Variants in CIAO2A observed in about 807,000 individuals in gnomAD.
The protein encoded by CIAO2A is MIP18 family protein FAM96A.
A neutral mutation model predicts 22.4 loss-of-function variants in CIAO2A; 17 were observed. The ratio of observed to expected loss-of-function variants is 0.76; its 90% CI spans 0.52 to 1.14. CIAO2A has a LOEUF of 1.14. Among genes scored for constraint, CIAO2A ranks in the 50% most tolerant of loss-of-function variants. The pLI is 0.00. For synonymous variants in CIAO2A, 74 were observed against 72.3 expected, an observed-to-expected ratio of 1.02 and a Z score of -0.12; for missense variants, 192 against 191.4, an observed-to-expected ratio of 1.00 and a Z score of -0.02.
intron 3 of CIAO2A, 108 bp from the exon 4 acceptor site, chr15:64,075,645 T>G: frequency 1.8e-6 from 1 of 565,108 alleles, no homozygotes; most frequent in East Asian, 3.5e-5. Flanking sequence ...AGTGCCCAAA[T>G]CCTGTTTCTT....
At position 64,093,691 on chromosome 15, in the gene CIAO2A, A is replaced by C. The variant is rs780659236; in HGVS notation, c.78T>G (p.Ala26=). Residue 26 remains alanine (A), a synonymous_variant, in exon 1 of 5, where the codon GCT becomes GCG. Coordinates refer to ENST00000300030, the MANE Select transcript of CIAO2A (RefSeq NM_032231.7). Reference sequence around the variant, plus strand: ...CTTCCATGATCCGGGGCTGCCGGGCAGCTCCCGGCTCAGAGAGGCCGGAGA... The same window carrying C: ...CTTCCATGATCCGGGGCTGCCGGGCCGCTCCCGGCTCAGAGAGGCCGGAGA... The part of the protein sequence containing the change: ...LWLSGLSEPG[A]ARQPRIMEEK... 3.8e-5 allele frequency: 61 copies of C among 1,613,950 alleles called. No individual in the cohort carries two copies. Among genetic ancestry groups the C allele is most frequent in the Non-Finnish European group, 5.1e-5 (60 of 1,179,968 alleles).
intron 2 of CIAO2A, among the ~76,000 whole-genome samples, 157 bp downstream of exon 2, chr15:64,088,530 C>A (rs1342203620): frequency 6.6e-6 from 1 of 152,164 alleles, no homozygotes; most frequent in African/African-American, 2.4e-5. Context: ...GTGAGGACTA[C>A]AGAAGATGAA....
At chr15:64,090,044 T>C (rs2080827779) in intron 1 of CIAO2A, among the ~76,000 whole-genome samples, 1 of 152,066 alleles carries the variant, frequency 6.6e-6, no homozygotes, top group Non-Finnish European at 1.5e-5. Flanking sequence ...ACCAAGAATG[T>C]TTCAAAACAA....
intron 3 of CIAO2A, among the ~76,000 whole-genome samples, chr15:64,077,713 G>C (rs762556443): frequency 1.1e-4 from 16 of 152,152 alleles, no homozygotes; most frequent in Non-Finnish European, 1.6e-4. Context: ...TGAAATAAAG[G>C]CTAAGGAACT....
intron 2 of CIAO2A, among the ~76,000 whole-genome samples, chr15:64,081,782 G>T (rs564737783): frequency 3.3e-5 from 5 of 151,776 alleles, no homozygotes; most frequent in Admixed American, 6.6e-5. Context: ...CAAGTGATCC[G>T]CCTGCCTTAG....
chr15:64,093,727 T>C lies in CIAO2A; in HGVS notation c.42A>G (p.Arg14=), dbSNP rs1465389851. ...CAGAGAGGCCGGAGAGCCACAGGAC[T>C]CTGCTCAGCGTCCAGGAGAGCAGCC... ...VSGLLSWTLS[R]VLWLSGLSEP... The change falls in exon 1 of 5, where the codon AGA becomes AGG. Residue 14 remains arginine (R), a synonymous_variant. Transcript: ENST00000300030. 9 of 1,614,028 alleles carry C rather than the reference T, an allele frequency of 5.6e-6. No individual in the cohort carries two copies. Among genetic ancestry groups the C allele is most frequent in the Non-Finnish European group, 7.6e-6 (9 of 1,179,920 alleles).
At chr15:64,079,384 T>C (rs192392864) in intron 3 of CIAO2A, among the ~76,000 whole-genome samples, 63 of 152,030 alleles carry the variant, frequency 4.1e-4, no homozygotes, top group Non-Finnish European at 7.8e-4. Context: ...CTACCAAAAA[T>C]TAAGAAAAAA....
chr15:64,092,626 C>A (rs963012141), intron 1 of CIAO2A, among the ~76,000 whole-genome samples: 1 of 152,196 alleles, frequency 6.6e-6, no homozygotes, highest in African/African-American at 2.4e-5. Context: ...ATGTGGTCTG[C>A]TTTGTGGAGA....
intron 3 of CIAO2A, among the ~76,000 whole-genome samples, chr15:64,076,725 T>C (rs1360228574): frequency 4.7e-5 from 2 of 42,362 alleles, no homozygotes; most frequent in Admixed American, 7.4e-4. Flanking sequence ...AGTCCAATCT[T>C]TTTTTTTTTT....
At chr15:64,091,483 C>CAAA (rs35800673) in intron 1 of CIAO2A, among the ~76,000 whole-genome samples, 1 of 121,458 alleles carries the variant, frequency 8.2e-6, no homozygotes, top group Non-Finnish European at 1.8e-5. Flanking sequence ...GACTCTGTCT[C>CAAA]AAAAAAAAAA....
chr15:64,075,158 A>C (rs768020465), intron 4 of CIAO2A: 14 of 93,442 alleles, frequency 1.5e-4, no homozygotes, highest in Non-Finnish European at 1.9e-5. Flanking sequence ...TAGACCTTCA[A>C]TTTCAAGTAC....
At chr15:64,087,058 T>C (rs1278644656) in intron 2 of CIAO2A, among the ~76,000 whole-genome samples, 42 of 148,776 alleles carry the variant, frequency 2.8e-4, no homozygotes, top group African/African-American at 1.0e-3. Context: ...ATTACAGGTG[T>C]GTGCCACCAT....
rs146492307 is a variant in CIAO2A at position 64,076,766 on chromosome 15, C to T, written c.340-1229G>A. Among the ~76,000 whole-genome samples, 98 of 145,436 alleles carry T rather than the reference C, an allele frequency of 6.7e-4. 4 individuals carry two copies. Among genetic ancestry groups the T allele is most frequent in the African/African-American group, 2.4e-3 (96 of 40,112 alleles). ...TTTGAGACAGGTCTTACTCTGTCGC[C>T]TAGGCTGGAGTGCAGTGGCGCGATC... On this transcript the variant is annotated intron_variant, in intron 3 of 4. Coordinates refer to ENST00000300030, the MANE Select transcript of CIAO2A (RefSeq NM_032231.7).
At chr15:64,089,920 T>C (rs56273188) in intron 1 of CIAO2A, among the ~76,000 whole-genome samples, 6,896 of 152,302 alleles carry the variant, frequency 0.045, 195 homozygotes, top group South Asian at 0.085. Context: ...AATGGAGTTT[T>C]CTAGCAAGTG....
intron 2 of CIAO2A, among the ~76,000 whole-genome samples, chr15:64,084,099 GTTT>G (rs1449456491): frequency 6.6e-6 from 1 of 152,250 alleles, no homozygotes; most frequent in East Asian, 1.9e-4. Flanking sequence ...TTACAGAACA[GTTT>G]TTATTTCATG....
intron 2 of CIAO2A, among the ~76,000 whole-genome samples, chr15:64,086,654 C>T (rs2080797884): frequency 6.8e-6 from 1 of 147,386 alleles, no homozygotes; most frequent in African/African-American, 2.5e-5. Flanking sequence ...TACTCTGTTG[C>T]TTAGGCTGGA....
intron 2 of CIAO2A, among the ~76,000 whole-genome samples, chr15:64,083,150 C>T (rs2080769314): frequency 6.6e-6 from 1 of 150,384 alleles, no homozygotes; most frequent in Non-Finnish European, 1.5e-5. Flanking sequence ...AAAACAGTAC[C>T]TGACACATAA....
At chr15:64,081,224 G>A (rs2080757232) in intron 2 of CIAO2A, 73 bp from the exon 3 acceptor site, 1 of 1,398,760 alleles carries the variant, frequency 7.1e-7, no homozygotes. Flanking sequence ...GCATACAACT[G>A]CGTTTATGTG....
intron 3 of CIAO2A, 75 bp downstream of exon 3, chr15:64,081,027 T>C: frequency 7.2e-7 from 1 of 1,389,654 alleles, no homozygotes; most frequent in Non-Finnish European, 1.0e-6. Flanking sequence ...AATACGTGAA[T>C]TGTGTGGTAT....
Sources: allele counts gnomAD v4.1 joint callset (sites outside exome capture counted in the v4.1 genomes callset), GRCh38; gene constraint gnomAD v4.1.1; transcripts MANE v1.5; gene names NCBI Gene and HGNC (gene_info 2026-07-23, HGNC 2026-07-21).